The following SORBS3 variants were observed in gnomAD, a reference collection of about 807,000 sequenced individuals.
SORBS3 encodes the protein sorbin and SH3 domain containing 3, also known as vinexin.
SORBS3 carries 69 observed loss-of-function variants against 98.0 expected under a neutral mutation model. The ratio of observed to expected loss-of-function variants is 0.70; its 90% CI spans 0.58 to 0.86. The LOEUF is 0.86. Among genes scored for constraint, SORBS3 ranks in the 40% least tolerant of loss-of-function variants. The pLI is 0.00. For synonymous variants in SORBS3, 394 were observed against 355.4 expected (o/e 1.11, Z -1.22); for missense variants, 954 against 908.5 (o/e 1.05, Z -0.64).
intron 20 of SORBS3, among the ~76,000 whole-genome samples, chr8:22,574,398 G>C (rs73229806): frequency 0.065 from 6,127 of 94,778 alleles, 185 homozygotes; most frequent in Non-Finnish European, 0.096. Flanking sequence ...GCGGAGGAGG[G>C]GGGGAGTGAC....
In SORBS3 at chr8:22,575,163, T is replaced by G. The variant is rs1267531499; in HGVS notation, c.*435T>G. 4 of 325,526 alleles carry G rather than the reference T, an allele frequency of 1.2e-5. No individual in the cohort carries two copies. Among genetic ancestry groups the G allele is most frequent in the Non-Finnish European group, 2.4e-5 (4 of 164,396 alleles). 20.2% of individuals were successfully genotyped at this position (325,526 alleles called of 1,614,324 possible). On this transcript the variant is annotated 3_prime_UTR_variant, in exon 21 of 21. Coordinates refer to ENST00000240123, the MANE Select transcript of SORBS3 (RefSeq NM_005775.5). ...AAAGGCCGCCCCCGCCTGCTGGGGT[T>G]CCTCCCAGCACCCCAGCTTGCTGGC...
chr8:22,545,229 G>T, intron 1 of SORBS3: 1 of 152,566 alleles, frequency 6.6e-6, no homozygotes, highest in Non-Finnish European at 1.5e-5. Context: ...GTCCCTTTCA[G>T]TATTGCTGTG....
At position 22,571,854 on chromosome 8, in the gene SORBS3, T is replaced by G. The variant is rs1016274530; in HGVS notation, c.1847+33T>G. 8 of 1,461,970 alleles carry G rather than the reference T, an allele frequency of 5.5e-6. No homozygotes were observed. The African/African-American group carries it at 9.8e-5, about 18-fold the overall frequency. 90.6% of individuals were successfully genotyped at this position (1,461,970 alleles called of 1,614,324 possible). On this transcript the variant is annotated intron_variant, in intron 19 of 20. Coordinates refer to ENST00000240123, the MANE Select transcript of SORBS3 (RefSeq NM_005775.5). ...CCATCTGAGGGCTCTTGATCAGACGTGGGGGGGGTCACTGGCAGGCAATGC... is the reference window on the plus strand; with the variant it reads ...CCATCTGAGGGCTCTTGATCAGACGGGGGGGGGGTCACTGGCAGGCAATGC...
chr8:22,551,583 C>A, upstream of SORBS3: 1 of 251,450 alleles, frequency 4.0e-6, no homozygotes, highest in Non-Finnish European at 6.3e-6. The surrounding 1 kb of genome is among the most constrained non-coding windows in gnomAD (Gnocchi z 5.8). Context: ...GCGGTAGGGG[C>A]CGGGATGGCA....
chr8:22,557,407 C>T (rs1840205392), intron 4 of SORBS3, among the ~76,000 whole-genome samples: 1 of 152,166 alleles, frequency 6.6e-6, no homozygotes, highest in South Asian at 2.1e-4. Context: ...TCCATTTTCT[C>T]ATCTGGAAAT....
Position 22,565,853 on chromosome 8 carries a change from G to T in SORBS3, c.931G>T (p.Glu311Ter). The change falls in exon 12 of 21, where the codon GAG becomes TAG. Residue 311 changes from glutamate to a stop codon, truncating the protein, a stop_gained. Transcript: ENST00000240123. LOFTEE classifies it high-confidence loss of function. ...CTCGCCGGCGCCCCGACGGGCCCCG[G>T]AGCAGCGGCCCCCGGCCGGGTGAGT... ...KSSPAPRRAP[E>*]QRPPAGPASA... 7.8e-7 allele frequency: 1 copy of T among 1,281,080 alleles called. No homozygotes were observed. Among genetic ancestry groups the T allele is most frequent in the South Asian group, 2.4e-5 (1 of 41,338 alleles). 79.4% of individuals were successfully genotyped at this position (1,281,080 alleles called of 1,614,324 possible).
chr8:22,556,595 A>C, intron 3 of SORBS3, 120 bp from the exon 4 acceptor site: 1 of 833,962 alleles, frequency 1.2e-6, no homozygotes, highest in South Asian at 1.5e-5. Flanking sequence ...CACTCAAACA[A>C]ACAAGGCGAT....
intron 3 of SORBS3, among the ~76,000 whole-genome samples, chr8:22,555,984 G>A (rs551430572): frequency 6.6e-6 from 1 of 152,348 alleles, no homozygotes; most frequent in Non-Finnish European, 1.5e-5. Flanking sequence ...GACAAAGTAG[G>A]GGTGATGATG....
upstream of SORBS3, among the ~76,000 whole-genome samples, chr8:22,548,684 A>C (rs951359387): frequency 3.8e-4 from 57 of 149,926 alleles, no homozygotes; most frequent in African/African-American, 1.4e-3. Flanking sequence ...GGTAGATCTC[A>C]GAGGGTGACT....
Position 22,566,326 on chromosome 8 carries a change from G to T in SORBS3, c.951-19G>T. 6.2e-7 allele frequency: 1 copy of T among 1,610,652 alleles called. No individual in the cohort carries two copies. Among genetic ancestry groups the T allele is most frequent in the Non-Finnish European group, 8.5e-7 (1 of 1,178,672 alleles). ...TGCGGAGCCCCAGGCTGGAGGCTCAGTCTCTGTGCCCCGTGCAGCCCGGCC... is the reference window on the plus strand; with the variant it reads ...TGCGGAGCCCCAGGCTGGAGGCTCATTCTCTGTGCCCCGTGCAGCCCGGCC... On this transcript the variant is annotated intron_variant, in intron 12 of 20. Coordinates refer to ENST00000240123, the MANE Select transcript of SORBS3 (RefSeq NM_005775.5).
intron 7 of SORBS3, 23 bp downstream of exon 7, chr8:22,561,954 G>C: frequency 6.2e-7 from 1 of 1,610,466 alleles, no homozygotes; most frequent in Non-Finnish European, 8.5e-7. Flanking sequence ...GGGCGGGGCC[G>C]AGGGCTGCGG....
At chr8:22,547,327 C>T (rs2280890), upstream of SORBS3, among the ~76,000 whole-genome samples, 1,458 of 146,940 alleles carry the variant, frequency 9.9e-3, 28 homozygotes, top group East Asian at 0.085. Flanking sequence ...ATGGTCTTGC[C>T]TTTTTTTTTT....
chr8:22,564,763 C>A (rs1840369550), intron 10 of SORBS3: 1 of 1,399,368 alleles, frequency 7.1e-7, no homozygotes, highest in African/African-American at 1.4e-5. Flanking sequence ...GGTCAGTGCG[C>A]ACTGGGATTA....
At chr8:22,564,831 C>T (rs1277943673) in intron 10 of SORBS3, 14 of 1,196,736 alleles carry the variant, frequency 1.2e-5, no homozygotes, top group African/African-American at 3.2e-5. Context: ...GGGCCTGATT[C>T]GGCGAAGACC....
chr8:22,561,787 T>G (rs1480446815), intron 6 of SORBS3, 78 bp from the exon 7 acceptor site: 1 of 1,308,672 alleles, frequency 7.6e-7, no homozygotes, highest in East Asian at 2.3e-5. Flanking sequence ...CTCTAAATAA[T>G]CACCCAGGCA....
rs1586912594 is a variant in SORBS3, at chr8:22,574,785, G to A, written c.*57G>A. ...GATGGGGTGGGGAGCGGTGGCACTC[G>A]TGGGAGGGAGAGGACCCCCGCCCAC... On this transcript the variant is annotated 3_prime_UTR_variant, in exon 21 of 21. Transcript: ENST00000240123. The A allele has an allele frequency of 6.5e-7, 1 of 1,544,414 alleles. No homozygotes were observed. Among genetic ancestry groups the A allele is most frequent in the Non-Finnish European group, 8.9e-7 (1 of 1,117,502 alleles).
chr8:22,555,147 C>T (rs889232003), intron 3 of SORBS3, among the ~76,000 whole-genome samples, 167 bp downstream of exon 3: 1 of 152,236 alleles, frequency 6.6e-6, no homozygotes, highest in Non-Finnish European at 1.5e-5. Context: ...CCCTGCGGAG[C>T]CTGCTGACTC....
chr8:22,556,179 G>A (rs1840180029), intron 3 of SORBS3, among the ~76,000 whole-genome samples: 2 of 152,210 alleles, frequency 1.3e-5, no homozygotes, highest in South Asian at 4.1e-4. Flanking sequence ...ATGGGTTTCT[G>A]ACCTTCACTG....
Position 22,574,746 on chromosome 8 carries a change from T to A in SORBS3, c.*18T>A. 6.2e-7 allele frequency: 1 copy of A among 1,610,228 alleles called. No homozygotes were observed. The highest frequency in any genetic ancestry group is 2.2e-5 in the East Asian group (1 of 44,792). ...CGGTGTGAGTGGTCTCCATGGCAAC[T>A]TGGAGCCAGCCAGGATGGGGTGGGG... On this transcript the variant is annotated 3_prime_UTR_variant, in exon 21 of 21. Transcript: ENST00000240123.
Sources: gnomAD v4.1 joint callset for allele counts (sites outside exome capture counted in the v4.1 genomes callset) on GRCh38, gnomAD v4.1.1 for gene constraint, Gnocchi (gnomAD v3.1) non-coding constraint, MANE v1.5 for transcripts, NCBI Gene and HGNC (gene_info 2026-07-23, HGNC 2026-07-21) for gene names.